SEMA3C: variants seen among roughly 807,000 people sequenced by gnomAD.
The protein encoded by SEMA3C is semaphorin-3C.
In SEMA3C, 47 loss-of-function variants were observed where a neutral mutation model predicts 89.4. That is an observed-to-expected ratio of 0.53 (90% CI 0.42 to 0.67). SEMA3C has a LOEUF of 0.67. SEMA3C is among the 30% of genes least tolerant of loss of function. The pLI is 0.00. For missense variants in SEMA3C, 839 were observed against 929.1 expected (o/e 0.90, Z 1.26); for synonymous variants, 310 against 320.2 (o/e 0.97, Z 0.34).
chr7:80,870,695 A>G (rs1791035202), intron 2 of SEMA3C, among the ~76,000 whole-genome samples: 1 of 152,234 alleles, frequency 6.6e-6, no homozygotes, highest in East Asian at 1.9e-4. Context: ...TGCAGCTTAT[A>G]TAACATTGAA....
At chr7:80,913,690 T>C (rs1384168351) in intron 2 of SEMA3C, among the ~76,000 whole-genome samples, 2 of 152,200 alleles carry the variant, frequency 1.3e-5, no homozygotes, top group African/African-American at 2.4e-5. Context: ...GGTCTCAACA[T>C]AGAAGATTTA....
At chr7:80,780,633 C>A (rs1054555539) in intron 12 of SEMA3C, among the ~76,000 whole-genome samples, 1 of 152,186 alleles carries the variant, frequency 6.6e-6, no homozygotes, top group African/African-American at 2.4e-5. Flanking sequence ...CCTGTAATCC[C>A]AGCACTTTGG....
At chr7:80,885,154 G>C (rs1791445018) in intron 2 of SEMA3C, among the ~76,000 whole-genome samples, 1 of 152,136 alleles carries the variant, frequency 6.6e-6, no homozygotes, top group Non-Finnish European at 1.5e-5. Context: ...TTGCAACTCA[G>C]GATTTTTCCC....
At chr7:80,772,545 T>C (rs1788457099) in intron 12 of SEMA3C, among the ~76,000 whole-genome samples, 1 of 152,160 alleles carries the variant, frequency 6.6e-6, no homozygotes. Flanking sequence ...CAGTTGGTCA[T>C]CGAGGGCATC....
chr7:80,812,274 A>G (rs1178654702), intron 5 of SEMA3C, among the ~76,000 whole-genome samples: 3 of 152,190 alleles, frequency 2.0e-5, no homozygotes, highest in Non-Finnish European at 2.9e-5. Context: ...CTTTCTGAGC[A>G]TCCTAAGATC....
Position 80,745,216 on chromosome 7 carries a change from G to A in SEMA3C, c.1934C>T (p.Ala645Val). The part of the protein sequence containing the change: ...GSDQGLYHCI[A>V]TENSFKQTIA... Reference sequence around the variant, plus strand: ...GGTCTGCTTGAAACTATTTTCTGTAGCAATGCAGTGATAAAGTCCTTGGTC... The same window carrying A: ...GGTCTGCTTGAAACTATTTTCTGTAACAATGCAGTGATAAAGTCCTTGGTC... The change falls in exon 18 of 18, where the codon GCT (alanine) becomes GTT (valine). Residue 645 changes from alanine (A) to valine (V), a missense_variant. By Grantham distance (64) the Ala-to-Val change is moderately conservative. Transcript: ENST00000265361. The A allele has an allele frequency of 6.2e-7, 1 of 1,613,988 alleles. No individual in the cohort carries two copies. Among genetic ancestry groups the A allele is most frequent in the Non-Finnish European group, 8.5e-7 (1 of 1,179,972 alleles).
chr7:80,780,906 C>A (rs889692393), intron 12 of SEMA3C, among the ~76,000 whole-genome samples: 1 of 152,062 alleles, frequency 6.6e-6, no homozygotes, highest in Admixed American at 6.6e-5. Context: ...AAATTTATTA[C>A]CTTAGAGTTC....
intron 2 of SEMA3C, among the ~76,000 whole-genome samples, chr7:80,893,734 G>T (rs993038185): frequency 6.6e-6 from 1 of 151,994 alleles, no homozygotes; most frequent in African/African-American, 2.4e-5. Flanking sequence ...TGTCATCCTA[G>T]ATTTACATAG....
At chr7:80,811,768 C>A (rs1223984383) in intron 5 of SEMA3C, among the ~76,000 whole-genome samples, 1 of 152,118 alleles carries the variant, frequency 6.6e-6, no homozygotes, top group East Asian at 1.9e-4. Flanking sequence ...GCACTGCATT[C>A]AGGAAAATTG....
upstream of SEMA3C, among the ~76,000 whole-genome samples, chr7:80,920,911 C>T (rs73141855): frequency 6.4e-3 from 973 of 152,166 alleles, 16 homozygotes; most frequent in Non-Finnish European, 7.8e-3. Context: ...ATATATTAAG[C>T]AGGGAGAAGA....
Position 80,887,895 on chromosome 7 carries a change from G to C in SEMA3C, c.103+28784C>G, listed in dbSNP as rs537957209. On this transcript the variant is annotated intron_variant, in intron 2 of 17. Coordinates refer to ENST00000265361, the MANE Select transcript of SEMA3C (RefSeq NM_006379.5). Reference sequence around the variant, plus strand: ...CTTAGACATCTCTGATTGTAATTTTGATTTCAATTTATCAACAGTAAATAG... The same window carrying C: ...CTTAGACATCTCTGATTGTAATTTTCATTTCAATTTATCAACAGTAAATAG... Among the ~76,000 whole-genome samples, 226 of 152,132 alleles carry C rather than the reference G, an allele frequency of 1.5e-3. 1 individual carries two copies. Among genetic ancestry groups the C allele is most frequent in the African/African-American group, 4.5e-3 (188 of 41,512 alleles).
intron 2 of SEMA3C, among the ~76,000 whole-genome samples, chr7:80,915,289 C>T (rs1792243035): frequency 6.6e-6 from 1 of 152,160 alleles, no homozygotes; most frequent in South Asian, 2.1e-4. Flanking sequence ...AACTGCATAG[C>T]TATGGGTTTT....
At chr7:80,919,392 T>G (rs533755247), upstream of SEMA3C, 5 of 985,246 alleles carry the variant, frequency 5.1e-6, no homozygotes, top group Non-Finnish European at 6.0e-6. Context: ...TCCACGGTTT[T>G]TGTTGCCGGC....
Position 80,744,463 on chromosome 7 carries a change from A to C in SEMA3C, c.*431T>G. 1 of 169,636 alleles carries C rather than the reference A, an allele frequency of 5.9e-6. No individual in the cohort carries two copies. The highest frequency in any genetic ancestry group is 6.0e-5 in the Admixed American group (1 of 16,552). 10.5% of individuals were successfully genotyped at this position (169,636 alleles called of 1,614,324 possible). Reference sequence around the variant, plus strand: ...AGCCATTCTGTCATATGCATTTATGACTTTTACTACGTAAAAGCTGTGGAT... The same window carrying C: ...AGCCATTCTGTCATATGCATTTATGCCTTTTACTACGTAAAAGCTGTGGAT... On this transcript the variant is annotated 3_prime_UTR_variant, in exon 18 of 18. Coordinates refer to ENST00000265361, the MANE Select transcript of SEMA3C (RefSeq NM_006379.5).
intron 2 of SEMA3C, among the ~76,000 whole-genome samples, chr7:80,915,387 A>ACAACCTTG (rs1435633428): frequency 1.3e-5 from 2 of 152,164 alleles, no homozygotes; most frequent in Non-Finnish European, 2.9e-5. Flanking sequence ...GGTGCTTATG[A>ACAACCTTG]CAACCTTGGG....
At chr7:80,795,795 A>G (rs1789049960) in intron 11 of SEMA3C, among the ~76,000 whole-genome samples, 1 of 152,132 alleles carries the variant, frequency 6.6e-6, no homozygotes, top group East Asian at 1.9e-4. Flanking sequence ...GTCACTTTGC[A>G]TGAGGAAAAA....
chr7:80,910,681 G>T (rs1792122835), intron 2 of SEMA3C, among the ~76,000 whole-genome samples: 1 of 147,284 alleles, frequency 6.8e-6, no homozygotes. Flanking sequence ...TAACAGTAAT[G>T]GAACTAAAAC....
At chr7:80,818,146 T>C (rs1294639135) in intron 5 of SEMA3C, among the ~76,000 whole-genome samples, 153 bp downstream of exon 5, 1 of 152,086 alleles carries the variant, frequency 6.6e-6, no homozygotes, top group Non-Finnish European at 1.5e-5. Context: ...TCAAGTAACT[T>C]GGCAGACAGG....
chr7:80,797,921 C>T (rs1169022382), intron 11 of SEMA3C, among the ~76,000 whole-genome samples, 171 bp downstream of exon 11: 1 of 152,056 alleles, frequency 6.6e-6, no homozygotes, highest in African/African-American at 2.4e-5. Flanking sequence ...TCGCTTGAAC[C>T]CGGGAGGCGG....
Sources: allele counts gnomAD v4.1 joint callset (sites outside exome capture counted in the v4.1 genomes callset), GRCh38; gene constraint gnomAD v4.1.1; transcripts MANE v1.5; gene names NCBI Gene and HGNC (gene_info 2026-07-23, HGNC 2026-07-21).